The following PCED1B variants were observed in gnomAD, a reference collection of about 807,000 sequenced individuals.
PCED1B encodes the protein PC-esterase domain containing 1B.
For missense variants in PCED1B, 573 were observed against 573.9 expected (o/e 1.00, Z 0.02); for synonymous variants, 251 against 246.1 (o/e 1.02, Z -0.19).
chr12:47,197,628 T>TAATAA lies in PCED1B; in HGVS notation c.-525-18579_-525-18575dup, dbSNP rs906683798. 8.1e-5 allele frequency among the ~76,000 whole-genome samples: 12 copies of TAATAA among 148,906 alleles called. No individual in the cohort carries two copies. In the East Asian group the frequency reaches 1.4e-3, roughly 17 times the overall value. On this transcript the variant is annotated intron_variant, in intron 2 of 3. Transcript: ENST00000546455. ...TGTCTCAAAAAAATAAATAAATAAA[T>TAATAA]AATAAAATAAAATAAAATACAATGA...
At chr12:47,172,340 C>CTTTTTTTTTTTTTTTTTTTTTTTTGT (rs34230051) in intron 2 of PCED1B, among the ~76,000 whole-genome samples, 4 of 78,338 alleles carry the variant, frequency 5.1e-5, no homozygotes, top group East Asian at 4.1e-4. Flanking sequence ...TCGTGGGTTG[C>CTTTTTTTTTTTTTTTTTTTTTTTTGT]TTTTTTTTTT....
Position 47,134,493 on chromosome 12 carries a change from A to G in PCED1B, c.-526+30298A>G, listed in dbSNP as rs151228069. On this transcript the variant is annotated intron_variant, in intron 2 of 3. Coordinates refer to ENST00000546455, the MANE Select transcript of PCED1B (RefSeq NM_138371.3). ...TTAACTTTAAACAGGGCAAGAACAT[A>G]CAAAACAGAAATTCAAGCTACCTCT... Among the ~76,000 whole-genome samples, 377 of 152,314 alleles carry G rather than the reference A, an allele frequency of 2.5e-3. 2 individuals carry two copies. Among genetic ancestry groups the G allele is most frequent in the African/African-American group, 8.4e-3 (350 of 41,556 alleles).
At chr12:47,169,854 CAA>C (rs34644611) in intron 2 of PCED1B, among the ~76,000 whole-genome samples, 7 of 113,006 alleles carry the variant, frequency 6.2e-5, no homozygotes, top group Admixed American at 9.4e-5. Flanking sequence ...GACCCTGTCT[CAA>C]AAAAAAAAAA....
chr12:47,219,552 C>T (rs1943409393), intron 3 of PCED1B, among the ~76,000 whole-genome samples: 1 of 152,178 alleles, frequency 6.6e-6, no homozygotes, highest in Admixed American at 6.5e-5. Context: ...TGGTTGGAAT[C>T]TAGAGTAGTC....
intron 1 of PCED1B, among the ~76,000 whole-genome samples, chr12:47,098,787 A>AT (rs1225257416): frequency 6.6e-6 from 1 of 152,056 alleles, no homozygotes; most frequent in Non-Finnish European, 1.5e-5. Flanking sequence ...TGGCCATAAT[A>AT]TTTTTTTAAA....
intron 1 of PCED1B, among the ~76,000 whole-genome samples, chr12:47,080,433 G>C (rs1565734761): frequency 1.3e-5 from 2 of 152,160 alleles, no homozygotes; most frequent in Non-Finnish European, 2.9e-5. Context: ...AAGTGCAGTT[G>C]ACTGTCTGGG....
intron 2 of PCED1B, among the ~76,000 whole-genome samples, chr12:47,116,932 C>T (rs1392842658): frequency 6.6e-6 from 1 of 152,136 alleles, no homozygotes; most frequent in Non-Finnish European, 1.5e-5. Context: ...TAGGTACAGC[C>T]ATTGTCACAG....
intron 2 of PCED1B, among the ~76,000 whole-genome samples, chr12:47,123,852 C>T (rs952825887): frequency 6.6e-6 from 1 of 152,044 alleles, no homozygotes; most frequent in Non-Finnish European, 1.5e-5. Context: ...GCCTTTCTCT[C>T]ATGTTATTAA....
At chr12:47,141,489 T>C (rs1350285535) in intron 2 of PCED1B, among the ~76,000 whole-genome samples, 1 of 152,172 alleles carries the variant, frequency 6.6e-6, no homozygotes. Flanking sequence ...CTGGGAGGAC[T>C]CACACCCACC....
chr12:47,134,233 CA>C (rs1286909980), intron 2 of PCED1B, among the ~76,000 whole-genome samples: 1 of 152,150 alleles, frequency 6.6e-6, no homozygotes, highest in African/African-American at 2.4e-5. Flanking sequence ...TTGGAAAGTG[CA>C]AGGCCTTTAC....
chr12:47,135,511 A>C (rs1940318111), intron 2 of PCED1B: 1 of 496,524 alleles, frequency 2.0e-6, no homozygotes, highest in Non-Finnish European at 4.1e-6. Flanking sequence ...GAAGATCAGC[A>C]CTGAGATGAT....
At chr12:47,163,152 AGTAT>A (rs1941440901) in intron 2 of PCED1B, among the ~76,000 whole-genome samples, 1 of 151,840 alleles carries the variant, frequency 6.6e-6, no homozygotes, top group Non-Finnish European at 1.5e-5. Context: ...CTCACTTGTT[AGTAT>A]GTAAGTATTT....
In PCED1B at chr12:47,216,248, C is replaced by T. The variant is rs1943257686; in HGVS notation, c.-499C>T. The T allele has an allele frequency of 6.6e-6, 1 of 152,088 alleles. No individual in the cohort carries two copies. Among genetic ancestry groups the T allele is most frequent in the African/African-American group, 2.4e-5 (1 of 41,392 alleles). The allele number at this position is 152,088 out of a possible 1,614,324, so 9.4% of individuals were successfully genotyped here. On this transcript the variant is annotated 5_prime_UTR_variant, in exon 3 of 4. Coordinates refer to ENST00000546455, the MANE Select transcript of PCED1B (RefSeq NM_138371.3). ...CGTGAACATACCACACCAGCAAGAA[C>T]AATAAGAGCCAAGGGTCTGAATTGT...
At chr12:47,159,758 A>G in intron 2 of PCED1B, among the ~76,000 whole-genome samples, 1 of 151,722 alleles carries the variant, frequency 6.6e-6, no homozygotes, top group East Asian at 1.9e-4. Context: ...ACATTTGTCT[A>G]TTTTTGGTTT....
At chr12:47,128,123 G>A (rs374809006) in intron 2 of PCED1B, among the ~76,000 whole-genome samples, 5 of 152,222 alleles carry the variant, frequency 3.3e-5, no homozygotes, top group East Asian at 3.8e-4. Context: ...ATAAAAAAAC[G>A]AAATTGTTGG....
chr12:47,111,843 C>G (rs574954834), intron 2 of PCED1B, among the ~76,000 whole-genome samples: 9 of 152,176 alleles, frequency 5.9e-5, no homozygotes, highest in Non-Finnish European at 1.3e-4. Flanking sequence ...TAGAAAGTCA[C>G]TTCTTCTCAT....
intron 1 of PCED1B, among the ~76,000 whole-genome samples, chr12:47,080,925 G>C (rs919081999): frequency 2.0e-5 from 3 of 152,140 alleles, no homozygotes; most frequent in Admixed American, 6.5e-5. Context: ...GGGAAGTAAG[G>C]GGCGTGTGCG....
chr12:47,099,649 A>T (rs1371198052), intron 1 of PCED1B, among the ~76,000 whole-genome samples: 3 of 152,108 alleles, frequency 2.0e-5, no homozygotes, highest in Non-Finnish European at 4.4e-5. Context: ...CTGCACTACC[A>T]TGCGCCCTTG....
rs147422883 is a variant in PCED1B at position 47,111,435 on chromosome 12, A to G, written c.-526+7240A>G. 5.1e-4 allele frequency among the ~76,000 whole-genome samples: 78 copies of G among 152,266 alleles called. No homozygotes were observed. In the East Asian group the frequency reaches 0.014, roughly 28 times the overall value. ...TTGAAATTGTGGTAGAATACACATAACACAAAATTTGCCATCTTCACCATT... is the reference window on the plus strand; with the variant it reads ...TTGAAATTGTGGTAGAATACACATAGCACAAAATTTGCCATCTTCACCATT... On this transcript the variant is annotated intron_variant, in intron 2 of 3. Transcript: ENST00000546455.
Sources: gnomAD v4.1 joint callset for allele counts (sites outside exome capture counted in the v4.1 genomes callset) on GRCh38, gnomAD v4.1.1 for gene constraint, MANE v1.5 for transcripts, NCBI Gene and HGNC (gene_info 2026-07-23, HGNC 2026-07-21) for gene names.